GAS7: variants seen among roughly 807,000 people sequenced by gnomAD.
The protein encoded by GAS7 is growth arrest specific 7, also known as growth arrest-specific protein 7.
In GAS7, 28 loss-of-function variants were observed where a neutral mutation model predicts 71.1. The ratio of observed to expected loss-of-function variants is 0.39; its 90% CI spans 0.29 to 0.54. The LOEUF (loss-of-function observed/expected upper bound fraction) is 0.54, where lower values mean the gene tolerates loss of function less well. GAS7 is among the 20% of genes least tolerant of loss of function. GAS7 has a pLI of 0.62. For missense variants in GAS7, 436 were observed against 627.8 expected (o/e 0.69, Z 3.27); for synonymous variants, 258 against 245.8 (o/e 1.05, Z -0.46).
chr17:9,943,612 C>G (rs912637336), intron 6 of GAS7, among the ~76,000 whole-genome samples: 1 of 152,204 alleles, frequency 6.6e-6, no homozygotes, highest in African/African-American at 2.4e-5. Flanking sequence ...ATCCTGACTC[C>G]AAGCTGGACT....
chr17:10,115,116 C>T (rs1156834810), intron 1 of GAS7, among the ~76,000 whole-genome samples: 1 of 152,214 alleles, frequency 6.6e-6, no homozygotes, highest in Non-Finnish European at 1.5e-5. Context: ...GAGCCACACG[C>T]TAATCTCCAG....
chr17:10,093,894 C>T (rs142366887), intron 1 of GAS7, among the ~76,000 whole-genome samples: 3 of 152,212 alleles, frequency 2.0e-5, no homozygotes, highest in African/African-American at 7.2e-5. Context: ...TGCTGGTTAG[C>T]CACTCCCAAG....
At chr17:9,918,339 C>T (rs967825954) in intron 12 of GAS7, among the ~76,000 whole-genome samples, 4 of 152,206 alleles carry the variant, frequency 2.6e-5, no homozygotes, top group Admixed American at 6.5e-5. Context: ...GCTTTACGTG[C>T]GTTCCTTAAC....
intron 1 of GAS7, among the ~76,000 whole-genome samples, chr17:10,180,201 C>T (rs953215092): frequency 6.6e-6 from 1 of 151,832 alleles, no homozygotes; most frequent in Non-Finnish European, 1.5e-5. Flanking sequence ...ATTAGCCAGG[C>T]ATGGTAGTGG....
chr17:10,085,029 C>A (rs2073501898), intron 1 of GAS7, among the ~76,000 whole-genome samples: 1 of 152,176 alleles, frequency 6.6e-6, no homozygotes, highest in Admixed American at 6.5e-5. Flanking sequence ...CAGGCCTGAC[C>A]ATGCTGTTTT....
In GAS7 at chr17:10,012,284, T is replaced by TA. The variant is rs1356613676; in HGVS notation, c.304+7492_304+7493insT. Among the ~76,000 whole-genome samples the TA allele has an allele frequency of 2.5e-4, 38 of 152,216 alleles. 1 individual carries two copies. Among genetic ancestry groups the TA allele is most frequent in the African/African-American group, 4.8e-4 (20 of 41,546 alleles). On this transcript the variant is annotated intron_variant, in intron 2 of 13. Coordinates refer to ENST00000432992, the MANE Select transcript of GAS7 (RefSeq NM_201433.2). Reference sequence around the variant, plus strand: ...ATGCATGCCTGGCCTTCCAGTTATATTTTTATTTTATTTATTTATTTGAGA... The same window carrying TA: ...ATGCATGCCTGGCCTTCCAGTTATATATTTTATTTTATTTATTTATTTGAGA...
chr17:9,936,952 C>A (rs2068422998), intron 8 of GAS7, among the ~76,000 whole-genome samples: 1 of 152,242 alleles, frequency 6.6e-6, no homozygotes, highest in Non-Finnish European at 1.5e-5. Flanking sequence ...CCTCTCCAGC[C>A]TCCCTGAGCA....
intron 2 of GAS7, among the ~76,000 whole-genome samples, chr17:10,015,261 C>T: frequency 6.6e-6 from 1 of 152,062 alleles, no homozygotes. Flanking sequence ...GGACAGAACA[C>T]CTATTATCCC....
At chr17:9,964,827 G>A (rs893508984) in intron 4 of GAS7, among the ~76,000 whole-genome samples, 4 of 152,178 alleles carry the variant, frequency 2.6e-5, no homozygotes, top group Admixed American at 6.5e-5. Flanking sequence ...GACAAAGACC[G>A]AAATTGCTCA....
rs143594238 is a variant in GAS7, at chr17:10,007,953, G to T, written c.304+11824C>A. On this transcript the variant is annotated intron_variant, in intron 2 of 13. Transcript: ENST00000432992. ...TTCTGTGGATTTCTCTATTCTAGGC[G>T]TTTCATATAAACAGAATCATATGGC... 3.4e-3 allele frequency among the ~76,000 whole-genome samples: 521 copies of T among 152,164 alleles called. 4 individuals carry two copies. The highest frequency in any genetic ancestry group is 0.012 in the African/African-American group (506 of 41,498).
intron 1 of GAS7, among the ~76,000 whole-genome samples, chr17:10,087,741 GTGC>G (rs756785737): frequency 7.5e-4 from 114 of 152,338 alleles, no homozygotes; most frequent in Non-Finnish European, 1.1e-3. Context: ...AAAGGAAGCA[GTGC>G]TGAATTCCAA....
At chr17:9,930,832 C>T (rs910081348) in intron 9 of GAS7, among the ~76,000 whole-genome samples, 6 of 152,190 alleles carry the variant, frequency 3.9e-5, no homozygotes, top group African/African-American at 1.4e-4. Flanking sequence ...AACCACTAGG[C>T]TGCTGCGATG....
intron 3 of GAS7, among the ~76,000 whole-genome samples, chr17:9,972,788 C>T (rs1189413553): frequency 6.6e-6 from 1 of 152,096 alleles, no homozygotes; most frequent in Non-Finnish European, 1.5e-5. Context: ...AACTCCTAAA[C>T]ACTTAGAAAT....
intron 2 of GAS7, among the ~76,000 whole-genome samples, chr17:9,994,541 T>C (rs1333176803): frequency 1.4e-5 from 2 of 146,684 alleles, no homozygotes; most frequent in Non-Finnish European, 3.0e-5. Flanking sequence ...CAAGATGGAT[T>C]AAAGACTTAA....
chr17:9,914,831 G>A lies in GAS7; in HGVS notation c.*2397C>T. Reference sequence around the variant, plus strand: ...TCTCAGCATGCCTGGCTTGTCTTGAGCATTCGCTGAATGAATGCAGATTAA... The same window carrying A: ...TCTCAGCATGCCTGGCTTGTCTTGAACATTCGCTGAATGAATGCAGATTAA... On this transcript the variant is annotated 3_prime_UTR_variant, in exon 14 of 14. Coordinates refer to ENST00000432992, the MANE Select transcript of GAS7 (RefSeq NM_201433.2). 4.3e-6 allele frequency: 1 copy of A among 230,544 alleles called. No individual in the cohort carries two copies. The highest frequency in any genetic ancestry group is 6.1e-5 in the East Asian group (1 of 16,266). The allele number at this position is 230,544 out of a possible 1,614,324, so 14.3% of individuals were successfully genotyped here.
intron 1 of GAS7, among the ~76,000 whole-genome samples, chr17:10,042,654 G>A (rs2072889701): frequency 6.6e-6 from 1 of 152,206 alleles, no homozygotes; most frequent in African/African-American, 2.4e-5. Flanking sequence ...GTGATAAGCT[G>A]GCAGACAATA....
At chr17:10,124,407 C>T (rs1486950348) in intron 1 of GAS7, among the ~76,000 whole-genome samples, 1 of 152,188 alleles carries the variant, frequency 6.6e-6, no homozygotes, top group Non-Finnish European at 1.5e-5. Context: ...TACTAAATCT[C>T]GAAGGAAGGA....
At chr17:10,082,697 ACAG>A (rs1269962894) in intron 1 of GAS7, among the ~76,000 whole-genome samples, 2 of 152,266 alleles carry the variant, frequency 1.3e-5, no homozygotes, top group African/African-American at 2.4e-5. Context: ...ACAAATGTTC[ACAG>A]CAGATTTATT....
At chr17:10,119,574 T>C (rs2142075064) in intron 1 of GAS7, among the ~76,000 whole-genome samples, 1 of 152,298 alleles carries the variant, frequency 6.6e-6, no homozygotes, top group African/African-American at 2.4e-5. Flanking sequence ...CCCACTTCTC[T>C]CCTCCTTCCT....
Sources: gnomAD v4.1 joint callset for allele counts (sites outside exome capture counted in the v4.1 genomes callset) on GRCh38, gnomAD v4.1.1 for gene constraint, MANE v1.5 for transcripts, NCBI Gene and HGNC (gene_info 2026-07-23, HGNC 2026-07-21) for gene names.